The following MYO18B variants were observed in gnomAD, a reference collection of about 807,000 sequenced individuals.
The protein encoded by MYO18B is myosin XVIIIB, also known as unconventional myosin-XVIIIb.
In MYO18B, 204 loss-of-function variants were observed where a neutral mutation model predicts 273.0. The observed-to-expected ratio is 0.75, with a 90% CI of 0.67 to 0.84. The LOEUF is 0.84. Ranked by LOEUF, MYO18B falls within the 40% of genes least tolerant of loss-of-function variation. MYO18B has a pLI of 0.00. For missense variants in MYO18B, 3,212 were observed against 3,287.6 expected (o/e 0.98, Z 0.56); for synonymous variants, 1,330 against 1,305.7 (o/e 1.02, Z -0.40).
intron 1 of MYO18B, among the ~76,000 whole-genome samples, chr22:25,754,297 T>A (rs2086038853): frequency 6.6e-6 from 1 of 152,184 alleles, no homozygotes; most frequent in African/African-American, 2.4e-5. Flanking sequence ...GAGGTGAGAA[T>A]GTGCTTGGAA....
chr22:25,851,002 A>T (rs1470254254), intron 20 of MYO18B, among the ~76,000 whole-genome samples: 1 of 152,198 alleles, frequency 6.6e-6, no homozygotes, highest in Non-Finnish European at 1.5e-5. Flanking sequence ...ATGCCCTTAG[A>T]TACTGCCCAA....
chr22:25,874,902 C>T (rs1218350443), intron 23 of MYO18B, among the ~76,000 whole-genome samples: 1 of 152,242 alleles, frequency 6.6e-6, no homozygotes, highest in Admixed American at 6.5e-5. Context: ...TCCACCTCTA[C>T]CTCTTAGTAG....
chr22:25,899,537 A>T (rs1280914784), intron 29 of MYO18B: 1 of 152,214 alleles, frequency 6.6e-6, no homozygotes, highest in Non-Finnish European at 1.5e-5. Context: ...TGCATTAAAT[A>T]TTATTTATCT....
intron 30 of MYO18B, chr22:25,902,942 C>A: frequency 3.6e-6 from 2 of 552,946 alleles, no homozygotes; most frequent in East Asian, 6.9e-5. Context: ...AGATTGATGT[C>A]TTGATCTTGC....
the MYO18B span, among the ~76,000 whole-genome samples, chr22:26,053,041 T>G: frequency 6.6e-6 from 1 of 152,070 alleles, no homozygotes; most frequent in African/African-American, 2.4e-5. Flanking sequence ...TCTCCTGACC[T>G]CGTGATCCAC....
intron 40 of MYO18B, among the ~76,000 whole-genome samples, chr22:26,002,749 A>G (rs1325208156): frequency 6.6e-6 from 1 of 152,024 alleles, no homozygotes; most frequent in Non-Finnish European, 1.5e-5. Context: ...CACATGGGGT[A>G]GGTAGATGAG....
chr22:25,852,079 C>A lies in MYO18B; in HGVS notation c.3885+500C>A, dbSNP rs192029773. ...AAGTGTGTTCCATTCAGCACCAGCA[C>A]CCTGGGGTGGTCTATGAAAAGAGGG... is the stretch of plus-strand genomic sequence containing the variant. On this transcript the variant is annotated intron_variant, in intron 21 of 43. Coordinates refer to ENST00000335473, the MANE Select transcript of MYO18B (RefSeq NM_032608.7). 6.3e-4 allele frequency among the ~76,000 whole-genome samples: 96 copies of A among 152,316 alleles called. 1 individual carries two copies. Among genetic ancestry groups the A allele is most frequent in the African/African-American group, 2.2e-3 (91 of 41,570 alleles).
intron 21 of MYO18B, among the ~76,000 whole-genome samples, chr22:25,855,975 G>A (rs1366731725): frequency 1.3e-5 from 2 of 152,064 alleles, no homozygotes; most frequent in Non-Finnish European, 2.9e-5. Context: ...TAGTTTTTCA[G>A]TCCTCACCCT....
chr22:25,870,740 A>G (rs1183144814), intron 22 of MYO18B, among the ~76,000 whole-genome samples: 1 of 152,170 alleles, frequency 6.6e-6, no homozygotes, highest in African/African-American at 2.4e-5. Flanking sequence ...CCCCAGACCT[A>G]GTAAATCAGA....
At chr22:25,915,149 C>G (rs933537146) in intron 33 of MYO18B, among the ~76,000 whole-genome samples, 6 of 152,106 alleles carry the variant, frequency 3.9e-5, no homozygotes, top group African/African-American at 1.5e-4. Flanking sequence ...ATTTGACATC[C>G]TTTTCTTGTT....
chr22:25,981,072 T>G (rs575250487), intron 39 of MYO18B, among the ~76,000 whole-genome samples: 3 of 152,342 alleles, frequency 2.0e-5, no homozygotes, highest in African/African-American at 7.2e-5. Flanking sequence ...TGTATCTCTG[T>G]GTCCAAGTTT....
intron 1 of MYO18B, among the ~76,000 whole-genome samples, chr22:25,759,567 T>C (rs187714918): frequency 9.8e-5 from 15 of 152,292 alleles, no homozygotes; most frequent in Middle Eastern, 3.4e-3. Context: ...ATACCTAATG[T>C]AGATGATGGG....
intron 5 of MYO18B, 70 bp from the exon 6 acceptor site, chr22:25,770,802 C>T: frequency 8.8e-7 from 1 of 1,138,154 alleles, no homozygotes; most frequent in Non-Finnish European, 1.3e-6. Context: ...ATCTCCTGCC[C>T]TCGCCTCTTT....
intron 7 of MYO18B, among the ~76,000 whole-genome samples, chr22:25,772,727 A>T (rs2145611269): frequency 6.6e-6 from 1 of 152,362 alleles, no homozygotes; most frequent in South Asian, 2.1e-4. Flanking sequence ...GGACAGAAAC[A>T]GCAGCATTAA....
intron 7 of MYO18B, among the ~76,000 whole-genome samples, chr22:25,773,564 C>G (rs139227493): frequency 6.6e-6 from 1 of 152,136 alleles, no homozygotes; most frequent in Non-Finnish European, 1.5e-5. Context: ...CCCGGGTTCA[C>G]GCCATTCTCC....
chr22:25,926,457 G>A (rs2092422775), intron 34 of MYO18B, among the ~76,000 whole-genome samples: 1 of 151,880 alleles, frequency 6.6e-6, no homozygotes, highest in Non-Finnish European at 1.5e-5. Flanking sequence ...GCTAATTTTT[G>A]TATTTTTAGT....
At chr22:25,947,179 G>C (rs991042957) in intron 35 of MYO18B, among the ~76,000 whole-genome samples, 1 of 151,314 alleles carries the variant, frequency 6.6e-6, no homozygotes, top group African/African-American at 2.4e-5. Flanking sequence ...ACATATTCAC[G>C]TGCGATCACC....
chr22:25,828,467 G>A (rs1411833057), intron 14 of MYO18B, among the ~76,000 whole-genome samples: 1 of 152,036 alleles, frequency 6.6e-6, no homozygotes, highest in Non-Finnish European at 1.5e-5. Context: ...GAGGGCCTAG[G>A]CTTCATATGG....
chr22:25,754,544 G>A (rs2086047786), intron 1 of MYO18B, among the ~76,000 whole-genome samples: 1 of 152,122 alleles, frequency 6.6e-6, no homozygotes, highest in Admixed American at 6.5e-5. Flanking sequence ...CCTGGCTTTG[G>A]GGTTGCGTTT....
Sources: gnomAD v4.1 joint callset for allele counts (sites outside exome capture counted in the v4.1 genomes callset) on GRCh38, gnomAD v4.1.1 for gene constraint, MANE v1.5 for transcripts, NCBI Gene and HGNC (gene_info 2026-07-23, HGNC 2026-07-21) for gene names.